TMEM245: variants seen among roughly 807,000 people sequenced by gnomAD.
TMEM245 encodes protein CG-2.
A neutral mutation model predicts 101.2 loss-of-function variants in TMEM245; 69 were observed. The observed-to-expected ratio is 0.68, with a 90% CI of 0.56 to 0.83. The LOEUF (loss-of-function observed/expected upper bound fraction) is 0.83. TMEM245 is among the 40% of genes least tolerant of loss of function. The pLI is 0.00. For synonymous variants in TMEM245, 537 were observed against 449.8 expected, an observed-to-expected ratio of 1.19 and a Z score of -2.45; for missense variants, 1,075 against 1,092.8, an observed-to-expected ratio of 0.98 and a Z score of 0.23.
intron 11 of TMEM245, 114 bp from the exon 12 acceptor site, chr9:109,057,436 G>A (rs1276745956): frequency 5.0e-5 from 61 of 1,222,110 alleles, no homozygotes; most frequent in Non-Finnish European, 6.3e-5. Flanking sequence ...GTACTCCAAG[G>A]AAAAGAACTT....
intron 1 of TMEM245, among the ~76,000 whole-genome samples, chr9:109,117,583 G>A (rs924390847): frequency 2.6e-5 from 4 of 152,122 alleles, no homozygotes; most frequent in Non-Finnish European, 4.4e-5. Flanking sequence ...GGTATACGCC[G>A]AGCTGTGGAT....
intron 1 of TMEM245, among the ~76,000 whole-genome samples, chr9:109,117,332 G>A (rs1267735065): frequency 6.6e-6 from 1 of 151,574 alleles, no homozygotes; most frequent in African/African-American, 2.4e-5. Context: ...TGGCCAGGCT[G>A]GTCTTGAACT....
intron 8 of TMEM245, among the ~76,000 whole-genome samples, chr9:109,080,356 T>G (rs1829632130): frequency 6.6e-6 from 1 of 152,076 alleles, no homozygotes; most frequent in South Asian, 2.1e-4. Flanking sequence ...TAATTTTCTT[T>G]GATGAGATGA....
Position 109,086,022 on chromosome 9 carries a change from T to C in TMEM245, c.1321-2A>G, listed in dbSNP as rs181235205. Reference sequence around the variant, plus strand: ...CTTCTTATTTAGCCAGTGCCAGAGCTTGAGGATAGGGGGTAAGGTGAGAAA... The same window carrying C: ...CTTCTTATTTAGCCAGTGCCAGAGCCTGAGGATAGGGGGTAAGGTGAGAAA... On this transcript the variant is annotated splice_acceptor_variant, in intron 6 of 17. Coordinates refer to ENST00000374586, the MANE Select transcript of TMEM245 (RefSeq NM_032012.4). LOFTEE classifies it high-confidence loss of function. 2 of 1,613,594 alleles carry C rather than the reference T, an allele frequency of 1.2e-6. No homozygotes were observed. Among genetic ancestry groups the C allele is most frequent in the African/African-American group, 1.3e-5 (1 of 74,652 alleles).
At chr9:109,092,379 T>A (rs777255042) in intron 4 of TMEM245, among the ~76,000 whole-genome samples, 12 of 152,212 alleles carry the variant, frequency 7.9e-5, no homozygotes, top group Non-Finnish European at 1.5e-4. Flanking sequence ...ACTACTGAGA[T>A]CACTTGCACC....
chr9:109,052,477 T>C (rs1034092918), intron 12 of TMEM245, among the ~76,000 whole-genome samples: 4 of 152,216 alleles, frequency 2.6e-5, no homozygotes, highest in African/African-American at 9.6e-5. Context: ...CATATGTCCA[T>C]CTGTTCTATG....
Position 109,033,519 on chromosome 9 carries a change from A to G in TMEM245, c.2400-18T>C. ...GGCCACCTCTGGAATAAAGAGCACG[A>G]CCTTTAACACACAAAAACTGGAAAA... On this transcript the variant is annotated intron_variant, in intron 16 of 17. Transcript: ENST00000374586. 2 of 1,548,336 alleles carry G rather than the reference A, an allele frequency of 1.3e-6. No homozygotes were observed. Among genetic ancestry groups the G allele is most frequent in the Non-Finnish European group, 1.7e-6 (2 of 1,148,478 alleles).
intron 17 of TMEM245, among the ~76,000 whole-genome samples, chr9:109,029,351 C>T (rs1441775804): frequency 6.6e-6 from 1 of 152,110 alleles, no homozygotes; most frequent in Non-Finnish European, 1.5e-5. Context: ...AGCAAGTGCC[C>T]ATCAGGACAG....
intron 14 of TMEM245, chr9:109,038,823 T>C (rs1828217082): frequency 2.0e-5 from 3 of 152,258 alleles, no homozygotes; most frequent in Admixed American, 2.0e-4. Context: ...AAATCTGCAA[T>C]GTCAGGTGCT....
At chr9:109,068,872 G>A (rs1020233346) in intron 9 of TMEM245, among the ~76,000 whole-genome samples, 9 of 152,184 alleles carry the variant, frequency 5.9e-5, no homozygotes, top group Non-Finnish European at 8.8e-5. Context: ...AATATTGAAG[G>A]AAAGGGTAGA....
chr9:109,017,276 G>C lies in TMEM245; in HGVS notation c.*3184C>G, dbSNP rs1013626663. 6.6e-6 allele frequency: 1 copy of C among 152,202 alleles called. No homozygotes were observed. Among genetic ancestry groups the C allele is most frequent in the Non-Finnish European group, 1.5e-5 (1 of 68,044 alleles). 9.4% of individuals were successfully genotyped at this position (152,202 alleles called of 1,614,324 possible). A position where few individuals can be genotyped will look rare whatever the true frequency, so the allele number is the denominator to read the frequency against. ...GTAACATGTTGGATTTCTTCCCACT[G>C]TCATGGGCCAACCCACACTAGACTC... On this transcript the variant is annotated 3_prime_UTR_variant, in exon 18 of 18. Transcript: ENST00000374586.
At position 109,090,421 on chromosome 9, in the gene TMEM245, G is replaced by T. The variant is rs903748819; in HGVS notation, c.1150+501C>A. 2.6e-5 allele frequency among the ~76,000 whole-genome samples: 4 copies of T among 151,922 alleles called. No individual in the cohort carries two copies. In the South Asian group the frequency reaches 8.3e-4, roughly 32 times the overall value. ...TTGTAAGAAGCTAAACACATTTTTT[G>T]AGCTTAAAAGTGAAATACTGGCCGG... On this transcript the variant is annotated intron_variant, in intron 5 of 17. Transcript: ENST00000374586.
At chr9:109,088,712 G>A (rs1829912783) in intron 5 of TMEM245, among the ~76,000 whole-genome samples, 1 of 151,246 alleles carries the variant, frequency 6.6e-6, no homozygotes, top group East Asian at 1.9e-4. Flanking sequence ...AGCTACTCAG[G>A]AGGCTGAGGC....
intron 12 of TMEM245, among the ~76,000 whole-genome samples, chr9:109,052,384 G>C (rs764715297): frequency 1.9e-4 from 29 of 152,224 alleles, no homozygotes; most frequent in Non-Finnish European, 3.7e-4. Context: ...CTAGAGCTTA[G>C]AGCTTAAATG....
chr9:109,016,941 T>G lies in TMEM245; in HGVS notation c.*3519A>C, dbSNP rs898505484. The G allele has an allele frequency of 8.5e-5, 7 of 82,454 alleles. No individual in the cohort carries two copies. The highest frequency in any genetic ancestry group is 3.4e-4 in the South Asian group (1 of 2,984). 5.1% of individuals were successfully genotyped at this position (82,454 alleles called of 1,614,324 possible). A position where few individuals can be genotyped will look rare whatever the true frequency, so the allele number is the denominator to read the frequency against. On this transcript the variant is annotated 3_prime_UTR_variant, in exon 18 of 18. Transcript: ENST00000374586. ...AAGTCCTAAGGGTTTTTGTATTTTG[T>G]TTTTTTTTCCTATAAACCCTGAGGT...
In TMEM245 at chr9:109,114,558, G is replaced by C. The variant is rs148449240; in HGVS notation, c.579+4777C>G. 3.9e-4 allele frequency among the ~76,000 whole-genome samples: 59 copies of C among 152,284 alleles called. No individual in the cohort carries two copies. The East Asian group carries it at 0.011, about 27-fold the overall frequency. ...TGGCAGAGCCAAGTTTAGAACTTCAGGTGTTTTTATCTTTCAGCCACTACT... is the reference window on the plus strand; with the variant it reads ...TGGCAGAGCCAAGTTTAGAACTTCACGTGTTTTTATCTTTCAGCCACTACT... On this transcript the variant is annotated intron_variant, in intron 1 of 17. Coordinates refer to ENST00000374586, the MANE Select transcript of TMEM245 (RefSeq NM_032012.4).
chr9:109,087,169 A>G lies in TMEM245; in HGVS notation c.1320+4T>C. 6.2e-7 allele frequency: 1 copy of G among 1,603,204 alleles called. No homozygotes were observed. The highest frequency in any genetic ancestry group is 8.5e-7 in the Non-Finnish European group (1 of 1,177,140). On this transcript the variant is annotated splice_donor_region_variant and intron_variant, in intron 6 of 17. Transcript: ENST00000374586. ...AGACAGCCCAAGTCCTTAAAATACA[A>G]TACCTTGCTATCAACTTTTAACAAG...
intron 17 of TMEM245, among the ~76,000 whole-genome samples, chr9:109,028,696 TA>T (rs1827862365): frequency 6.6e-6 from 1 of 152,108 alleles, no homozygotes; most frequent in Non-Finnish European, 1.5e-5. Flanking sequence ...TTAAAAAGTC[TA>T]GGGGTCAGAG....
At chr9:109,103,350 C>A (rs942605238) in intron 3 of TMEM245, among the ~76,000 whole-genome samples, 1 of 152,156 alleles carries the variant, frequency 6.6e-6, no homozygotes, top group Non-Finnish European at 1.5e-5. Flanking sequence ...AACAATTCCA[C>A]ATGATAGTAT....
Sources: gnomAD v4.1 joint callset for allele counts (sites outside exome capture counted in the v4.1 genomes callset) on GRCh38, gnomAD v4.1.1 for gene constraint, MANE v1.5 for transcripts, NCBI Gene and HGNC (gene_info 2026-07-23, HGNC 2026-07-21) for gene names.